XKR9: variants seen among roughly 807,000 people sequenced by gnomAD.
The protein encoded by XKR9 is XK related 9.
A neutral mutation model predicts 32.0 loss-of-function variants in XKR9; 32 were observed. That is an observed-to-expected ratio of 1.00 (90% CI 0.76 to 1.34). XKR9 has a LOEUF of 1.34. Among genes scored for constraint, XKR9 ranks in the 40% most tolerant of loss-of-function variants. The pLI is 0.00. For missense variants in XKR9, 546 were observed against 429.7 expected (o/e 1.27, Z -2.39); for synonymous variants, 168 against 143.4 (o/e 1.17, Z -1.22).
At chr8:70,743,681 G>T (rs1259310037) in intron 2 of XKR9, among the ~76,000 whole-genome samples, 1 of 152,142 alleles carries the variant, frequency 6.6e-6, no homozygotes, top group Non-Finnish European at 1.5e-5. Context: ...TATATGAAGT[G>T]AGACTTCCTT....
At chr8:70,754,942 A>G (rs1341653643) in intron 2 of XKR9, among the ~76,000 whole-genome samples, 1 of 152,218 alleles carries the variant, frequency 6.6e-6, no homozygotes, top group Non-Finnish European at 1.5e-5. Flanking sequence ...GAGCTTCTGC[A>G]CAGCAAAAGA....
At chr8:70,855,004 G>C in the XKR9 span, among the ~76,000 whole-genome samples, 1 of 152,130 alleles carries the variant, frequency 6.6e-6, no homozygotes, top group African/African-American at 2.4e-5. Flanking sequence ...TGGCAATGCA[G>C]GCTCTTTTTT....
chr8:70,797,618 G>C, the XKR9 span, among the ~76,000 whole-genome samples: 1 of 151,600 alleles, frequency 6.6e-6, no homozygotes, highest in Non-Finnish European at 1.5e-5. Flanking sequence ...GTGTGAAATA[G>C]GTAGATTTTG....
At chr8:70,824,169 T>C in the XKR9 span, among the ~76,000 whole-genome samples, 1 of 152,132 alleles carries the variant, frequency 6.6e-6, no homozygotes, top group Non-Finnish European at 1.5e-5. Context: ...AGCAGACTAT[T>C]TTCAGCCATT....
chr8:70,756,243 C>G (rs546830107), intron 2 of XKR9, among the ~76,000 whole-genome samples: 1 of 152,164 alleles, frequency 6.6e-6, no homozygotes, highest in South Asian at 2.1e-4. Flanking sequence ...GTTCTTTTGT[C>G]AGTACTACAC....
the XKR9 span, among the ~76,000 whole-genome samples, chr8:70,851,485 A>G: frequency 3.9e-5 from 6 of 152,188 alleles, no homozygotes; most frequent in African/African-American, 1.4e-4. Context: ...GACAATCCTA[A>G]ACAAAAAGAA....
chr8:71,021,564 G>A, the XKR9 span, among the ~76,000 whole-genome samples: 7 of 145,416 alleles, frequency 4.8e-5, no homozygotes, highest in Admixed American at 2.8e-4. Context: ...GTGCAGTGGC[G>A]CGATCTCGAC....
At chr8:70,968,964 T>C in the XKR9 span, among the ~76,000 whole-genome samples, 3 of 152,310 alleles carry the variant, frequency 2.0e-5, no homozygotes, top group Admixed American at 1.3e-4. Context: ...GACTGCCCCT[T>C]GACAGAGCAG....
downstream of XKR9, among the ~76,000 whole-genome samples, chr8:70,739,512 G>T (rs1806928688): frequency 6.6e-6 from 1 of 152,160 alleles, no homozygotes. Flanking sequence ...CTGTCATTAT[G>T]ATGTTAGCTG....
chr8:70,711,010 C>G (rs1202041222), intron 4 of XKR9, among the ~76,000 whole-genome samples: 1 of 152,050 alleles, frequency 6.6e-6, no homozygotes, highest in Non-Finnish European at 1.5e-5. Context: ...TACCTGCAGA[C>G]AAGCATATGA....
the XKR9 span, among the ~76,000 whole-genome samples, chr8:71,021,724 A>T: frequency 4.0e-5 from 6 of 151,852 alleles, no homozygotes; most frequent in East Asian, 1.2e-3. Context: ...GATGGTCTCG[A>T]TCTCCTGACC....
chr8:70,901,171 C>T, the XKR9 span, among the ~76,000 whole-genome samples: 1 of 152,148 alleles, frequency 6.6e-6, no homozygotes, highest in Admixed American at 6.5e-5. Flanking sequence ...TGGGTATATA[C>T]CCAGTAATGG....
At chr8:70,699,794 A>G (rs1230316745) in intron 3 of XKR9, among the ~76,000 whole-genome samples, 1 of 152,074 alleles carries the variant, frequency 6.6e-6, no homozygotes. Flanking sequence ...ACTTGGTTCC[A>G]TTCTCCCTGT....
chr8:70,855,771 C>T, the XKR9 span, among the ~76,000 whole-genome samples: 1 of 152,230 alleles, frequency 6.6e-6, no homozygotes, highest in East Asian at 1.9e-4. Flanking sequence ...AGACTAACAG[C>T]TGATCTCTTG....
the XKR9 span, among the ~76,000 whole-genome samples, chr8:70,876,223 T>G: frequency 2.0e-5 from 3 of 147,252 alleles, no homozygotes. Flanking sequence ...TCGTTCTTTT[T>G]TTTTTTTTTT....
chr8:70,845,848 A>G, the XKR9 span, among the ~76,000 whole-genome samples: 7 of 152,168 alleles, frequency 4.6e-5, no homozygotes, highest in Admixed American at 3.9e-4. Flanking sequence ...GATGTTTCAG[A>G]AGGTAAAGAG....
At chr8:70,932,856 G>C in the XKR9 span, among the ~76,000 whole-genome samples, 1 of 152,106 alleles carries the variant, frequency 6.6e-6, no homozygotes, top group South Asian at 2.1e-4. Flanking sequence ...AGACACAGTA[G>C]GGGGCTAGGA....
chr8:70,746,005 G>A (rs1286697443), intron 2 of XKR9, among the ~76,000 whole-genome samples: 5 of 151,988 alleles, frequency 3.3e-5, no homozygotes, highest in East Asian at 3.9e-4. Flanking sequence ...ACCATTTGTC[G>A]TTTCCCAAAG....
the XKR9 span, among the ~76,000 whole-genome samples, chr8:71,011,449 T>C: frequency 6.6e-6 from 1 of 152,244 alleles, no homozygotes; most frequent in Non-Finnish European, 1.5e-5. Flanking sequence ...ACAGAGACTC[T>C]TGGTTATTTC....
Sources: allele counts gnomAD v4.1 joint callset (sites outside exome capture counted in the v4.1 genomes callset), GRCh38; gene constraint gnomAD v4.1.1; transcripts MANE v1.5; gene names NCBI Gene and HGNC (gene_info 2026-07-23, HGNC 2026-07-21).